ZNF676: variants seen among roughly 807,000 people sequenced by gnomAD.
ZNF676 encodes zinc finger protein 676.
A neutral mutation model predicts 6.0 loss-of-function variants in ZNF676; 4 were observed. The ratio of observed to expected loss-of-function variants is 0.67; its 90% CI spans 0.33 to 1.53. The LOEUF is 1.53. Ranked by LOEUF, ZNF676 falls within the 40% of genes most tolerant of loss-of-function variation. ZNF676 has a pLI of 0.06. For synonymous variants in ZNF676, 198 were observed against 223.1 expected (o/e 0.89, Z 1.00); for missense variants, 644 against 679.7 (o/e 0.95, Z 0.58).
At chr19:22,248,759 C>T in the ZNF676 span, among the ~76,000 whole-genome samples, 1 of 152,086 alleles carries the variant, frequency 6.6e-6, no homozygotes, top group South Asian at 2.1e-4. Context: ...GATGGAGTTT[C>T]ACTGTTGTTG....
At chr19:22,199,876 A>G (rs954424185), upstream of ZNF676, among the ~76,000 whole-genome samples, 11 of 152,210 alleles carry the variant, frequency 7.2e-5, no homozygotes, top group Admixed American at 5.9e-4. Context: ...TCTATAATAC[A>G]TACTTTATAT....
chr19:22,182,586 A>AG (rs2023772739), intron 2 of ZNF676, among the ~76,000 whole-genome samples: 1 of 59,008 alleles, frequency 1.7e-5, no homozygotes. Context: ...TCAAAGTTCT[A>AG]AAAAAAAAAA....
chr19:22,200,209 T>C (rs2024009904), upstream of ZNF676, among the ~76,000 whole-genome samples: 1 of 151,948 alleles, frequency 6.6e-6, no homozygotes. Context: ...AAATTTTATA[T>C]TACATACTAA....
rs2023727841 is a variant in ZNF676 at position 22,180,784 on chromosome 19, A to G, written c.933T>C (p.Cys311=). ...RIHTGEKPYK[C]EECGKAFSWS... is the part of the protein sequence containing the mutation. Reference sequence around the variant, plus strand: ...AGCTGAAGGCTTTGCCACATTCTTCACACTTGTAGGGTTTCTCTCCAGTAT... The same window carrying G: ...AGCTGAAGGCTTTGCCACATTCTTCGCACTTGTAGGGTTTCTCTCCAGTAT... The change falls in exon 3 of 3, where the codon TGT becomes TGC. Residue 311 remains cysteine, a synonymous_variant. Transcript: ENST00000397121. 6.3e-7 allele frequency: 1 copy of G among 1,594,036 alleles called. No homozygotes were observed. The highest frequency in any genetic ancestry group is 1.7e-4 in the Middle Eastern group (1 of 6,016).
intron 2 of ZNF676, among the ~76,000 whole-genome samples, chr19:22,189,692 C>G (rs1365802699): frequency 1.3e-5 from 2 of 151,932 alleles, no homozygotes; most frequent in Non-Finnish European, 2.9e-5. Flanking sequence ...ACAAACAACC[C>G]CATCAAAAAT....
the ZNF676 span, among the ~76,000 whole-genome samples, chr19:22,233,582 A>T: frequency 6.9e-6 from 1 of 144,322 alleles, no homozygotes; most frequent in Non-Finnish European, 1.5e-5. Context: ...GAAGTTTATT[A>T]ATCTTTCTTC....
chr19:22,257,654 T>C, the ZNF676 span, among the ~76,000 whole-genome samples: 1 of 151,912 alleles, frequency 6.6e-6, no homozygotes, highest in East Asian at 1.9e-4. Flanking sequence ...GAGAGGAGAG[T>C]CACATAACCT....
intron 2 of ZNF676, among the ~76,000 whole-genome samples, chr19:22,185,942 G>C (rs562646349): frequency 5.9e-5 from 9 of 152,136 alleles, no homozygotes; most frequent in African/African-American, 2.2e-4. Context: ...ATGGAACCAA[G>C]TAGGAAAACA....
the ZNF676 span, among the ~76,000 whole-genome samples, chr19:22,229,756 T>A: frequency 2.6e-5 from 4 of 152,242 alleles, no homozygotes; most frequent in African/African-American, 9.6e-5. Context: ...AAAAGCTCAC[T>A]GTCACTAGTC....
intron 2 of ZNF676, among the ~76,000 whole-genome samples, chr19:22,185,194 T>C (rs1172622513): frequency 1.3e-5 from 2 of 152,132 alleles, no homozygotes; most frequent in Non-Finnish European, 2.9e-5. Context: ...TTTGTTATTC[T>C]GCAGCCTCTG....
At position 22,196,520 on chromosome 19, in the gene ZNF676, C is replaced by T. The variant is rs1008025334; in HGVS notation, c.34+80G>A. The T allele has an allele frequency of 8.1e-6, 13 of 1,609,818 alleles. No homozygotes were observed. The African/African-American group carries it at 1.7e-4, about 22-fold the overall frequency. On this transcript the variant is annotated intron_variant, in intron 1 of 2. Transcript: ENST00000397121. ...TGTCTGTATTCTCGCATTCATCCTC[C>T]TTTGTTCAGTCCAATAAGGTCTGCA...
the ZNF676 span, among the ~76,000 whole-genome samples, chr19:22,233,285 A>T: frequency 6.6e-6 from 1 of 152,120 alleles, no homozygotes; most frequent in South Asian, 2.1e-4. Context: ...CTGGGATTAC[A>T]GGTGTGAGCC....
At chr19:22,197,509 T>C (rs574815203), upstream of ZNF676, among the ~76,000 whole-genome samples, 20 of 152,006 alleles carry the variant, frequency 1.3e-4, no homozygotes, top group African/African-American at 4.6e-4. Flanking sequence ...AGTTGCTGAA[T>C]TTCTAATAAG....
intron 1 of ZNF676, among the ~76,000 whole-genome samples, chr19:22,213,656 A>C (rs2024154381): frequency 6.7e-6 from 1 of 149,322 alleles, no homozygotes; most frequent in Admixed American, 6.7e-5. Flanking sequence ...GCTACACTCC[A>C]TACCTCTGGT....
the ZNF676 span, among the ~76,000 whole-genome samples, chr19:22,223,714 G>A: frequency 6.6e-6 from 1 of 151,888 alleles, no homozygotes; most frequent in African/African-American, 2.4e-5. Flanking sequence ...ATTTAAGTTT[G>A]CTGCAGGCAG....
At chr19:22,252,179 G>C in the ZNF676 span, among the ~76,000 whole-genome samples, 1 of 152,098 alleles carries the variant, frequency 6.6e-6, no homozygotes, top group African/African-American at 2.4e-5. Flanking sequence ...TGGATTGCCT[G>C]AGATCAAGAG....
chr19:22,205,494 AC>A (rs1468089998), intron 1 of ZNF676, among the ~76,000 whole-genome samples: 1 of 152,210 alleles, frequency 6.6e-6, no homozygotes, highest in African/African-American at 2.4e-5. Flanking sequence ...ACAATTCAAT[AC>A]CAATAAAACA....
the ZNF676 span, among the ~76,000 whole-genome samples, chr19:22,239,051 A>G: frequency 4.1e-4 from 62 of 152,166 alleles, 1 homozygote; most frequent in Admixed American, 3.9e-4. Context: ...ATTAACCACC[A>G]CACCTAGTTA....
chr19:22,253,404 G>GTATATATA, the ZNF676 span, among the ~76,000 whole-genome samples: 6 of 97,016 alleles, frequency 6.2e-5, no homozygotes, highest in Admixed American at 2.3e-4. Context: ...ATGATAATGT[G>GTATATATA]TATATATATA....
Sources: allele counts gnomAD v4.1 joint callset (sites outside exome capture counted in the v4.1 genomes callset), GRCh38; gene constraint gnomAD v4.1.1; transcripts MANE v1.5; gene names NCBI Gene and HGNC (gene_info 2026-07-23, HGNC 2026-07-21).